CNRIP1: variants seen among roughly 807,000 people sequenced by gnomAD.
CNRIP1 encodes the protein cannabinoid receptor interacting protein 1.
CNRIP1 carries 10 observed loss-of-function variants against 15.2 expected under a neutral mutation model. The ratio of observed to expected loss-of-function variants is 0.66; its 90% CI spans 0.41 to 1.12. The LOEUF (loss-of-function observed/expected upper bound fraction) is 1.12. Ranked by LOEUF, CNRIP1 falls within the 50% of genes most tolerant of loss-of-function variation. CNRIP1 has a pLI of 0.00. For synonymous variants in CNRIP1, 91 were observed against 83.2 expected (o/e 1.09, Z -0.51); for missense variants, 211 against 214.7 (o/e 0.98, Z 0.11).
At chr2:68,308,267 T>C (rs1671937125) in intron 2 of CNRIP1, among the ~76,000 whole-genome samples, 1 of 152,200 alleles carries the variant, frequency 6.6e-6, no homozygotes, top group South Asian at 2.1e-4. Context: ...TTTTAAAAAA[T>C]AGATTTCCTA....
chr2:68,312,763 C>G (rs1224007499), intron 2 of CNRIP1, among the ~76,000 whole-genome samples: 1 of 151,894 alleles, frequency 6.6e-6, no homozygotes, highest in Non-Finnish European at 1.5e-5. Context: ...GATTCAATAT[C>G]AATATACAAA....
downstream of CNRIP1, among the ~76,000 whole-genome samples, chr2:68,289,591 C>A (rs1000269640): frequency 4.6e-5 from 7 of 152,034 alleles, no homozygotes; most frequent in Non-Finnish European, 8.8e-5. Context: ...AGAGATCCTT[C>A]CACCTCAGTC....
intron 2 of CNRIP1, among the ~76,000 whole-genome samples, chr2:68,310,538 G>C (rs953282869): frequency 1.3e-5 from 2 of 152,156 alleles, no homozygotes; most frequent in African/African-American, 4.8e-5. Context: ...ACTGCTGGAA[G>C]ATAGAATTTG....
chr2:68,307,183 A>G (rs554730988), intron 2 of CNRIP1, among the ~76,000 whole-genome samples: 1 of 152,326 alleles, frequency 6.6e-6, no homozygotes, highest in South Asian at 2.1e-4. Context: ...AATGTTATAC[A>G]ATTGTATATA....
intron 2 of CNRIP1, among the ~76,000 whole-genome samples, chr2:68,285,783 G>A (rs780705885): frequency 2.6e-5 from 4 of 152,168 alleles, no homozygotes; most frequent in Non-Finnish European, 5.9e-5. Flanking sequence ...AGCCATATGG[G>A]TTTTAATACA....
intron 2 of CNRIP1, among the ~76,000 whole-genome samples, chr2:68,299,962 A>T (rs1184864508): frequency 6.6e-6 from 1 of 152,238 alleles, no homozygotes; most frequent in Non-Finnish European, 1.5e-5. Flanking sequence ...AATCTTATTC[A>T]TAGAAACATG....
intron 2 of CNRIP1, among the ~76,000 whole-genome samples, chr2:68,303,945 G>A (rs1671711460): frequency 6.6e-6 from 1 of 152,112 alleles, no homozygotes; most frequent in Non-Finnish European, 1.5e-5. Flanking sequence ...GGGTATGGTG[G>A]TGCATGCCTG....
At chr2:68,303,584 A>G (rs564373592) in intron 2 of CNRIP1, among the ~76,000 whole-genome samples, 40 of 152,232 alleles carry the variant, frequency 2.6e-4, no homozygotes, top group Non-Finnish European at 5.3e-4. Context: ...AAAGAAGATT[A>G]ATTCAAACAG....
intron 1 of CNRIP1, among the ~76,000 whole-genome samples, chr2:68,318,304 A>T (rs1414453385): frequency 6.6e-6 from 1 of 152,174 alleles, no homozygotes; most frequent in Non-Finnish European, 1.5e-5. Flanking sequence ...CCACCCCCGC[A>T]ATAATGCCCA....
At chr2:68,290,978 T>A (rs1671154681), downstream of CNRIP1, among the ~76,000 whole-genome samples, 1 of 152,208 alleles carries the variant, frequency 6.6e-6, no homozygotes, top group South Asian at 2.1e-4. Context: ...GAGACGTGGC[T>A]ACAACTTGTA....
At chr2:68,303,131 T>C (rs145932962) in intron 2 of CNRIP1, among the ~76,000 whole-genome samples, 1,604 of 152,072 alleles carry the variant, frequency 0.011, 28 homozygotes, top group African/African-American at 0.035. Context: ...CAGGCGTGAG[T>C]CACCGCGCCC....
intron 2 of CNRIP1, 93 bp downstream of exon 2, chr2:68,317,064 C>T (rs776996801): frequency 3.3e-6 from 5 of 1,497,800 alleles, no homozygotes; most frequent in East Asian, 2.3e-5. Flanking sequence ...GCTCCCAACA[C>T]ACCTTTTCTT....
chr2:68,284,413 C>A, exon 3 of CNRIP1: 2 of 1,479,376 alleles, frequency 1.4e-6, no homozygotes, highest in South Asian at 1.3e-5. Flanking sequence ...TGATGGCACA[C>A]ATTGAAGAAT....
At chr2:68,291,686 T>G (rs560919582), downstream of CNRIP1, among the ~76,000 whole-genome samples, 1 of 152,080 alleles carries the variant, frequency 6.6e-6, no homozygotes, top group Non-Finnish European at 1.5e-5. Flanking sequence ...TGAGAACAGC[T>G]TGACCAACAT....
chr2:68,300,548 C>T (rs980494253), intron 2 of CNRIP1, among the ~76,000 whole-genome samples: 13 of 151,840 alleles, frequency 8.6e-5, no homozygotes, highest in African/African-American at 2.9e-4. Context: ...ACCTGGAAAA[C>T]GGAGGTTGCA....
rs10601379 is a variant in CNRIP1 at position 68,305,274 on chromosome 2, A to ATGTGTGTGTGTGTGTGTG, written c.331-11266_331-11249dup. Among the ~76,000 whole-genome samples, 535 of 120,588 alleles carry ATGTGTGTGTGTGTGTGTG rather than the reference A, an allele frequency of 4.4e-3. 3 individuals are homozygous for ATGTGTGTGTGTGTGTGTG. Among genetic ancestry groups the ATGTGTGTGTGTGTGTGTG allele is most frequent in the South Asian group, 6.6e-3 (25 of 3,812 alleles). The allele number at this position is 120,588 out of a possible 152,430, so 79.1% of individuals were successfully genotyped here. On this transcript the variant is annotated intron_variant, in intron 2 of 2. Transcript: ENST00000263655. ...AAAAAAAAAAAATATATATATATAT[A>ATGTGTGTGTGTGTGTGTG]TGTGTGTGTGTGTGTGTGTGTGTGT... is the stretch of plus-strand genomic sequence containing the variant.
intron 2 of CNRIP1, among the ~76,000 whole-genome samples, chr2:68,300,339 C>T (rs967767261): frequency 1.3e-5 from 2 of 152,136 alleles, no homozygotes; most frequent in Non-Finnish European, 2.9e-5. Flanking sequence ...AATCAAGAGG[C>T]CGGGTGCAGT....
downstream of CNRIP1, among the ~76,000 whole-genome samples, chr2:68,289,817 T>C (rs1285433914): frequency 6.6e-6 from 1 of 152,070 alleles, no homozygotes; most frequent in Non-Finnish European, 1.5e-5. Flanking sequence ...CAAATAATGA[T>C]ATTATGTGCC....
chr2:68,294,831 T>C (rs908181073), intron 2 of CNRIP1, among the ~76,000 whole-genome samples: 2 of 152,212 alleles, frequency 1.3e-5, no homozygotes, highest in African/African-American at 2.4e-5. Flanking sequence ...CTTGCATGTA[T>C]AAAAATTCGT....
Sources: gnomAD v4.1 joint callset for allele counts (sites outside exome capture counted in the v4.1 genomes callset) on GRCh38, gnomAD v4.1.1 for gene constraint, MANE v1.5 for transcripts, NCBI Gene and HGNC (gene_info 2026-07-23, HGNC 2026-07-21) for gene names.